ANKRD28: variants seen among roughly 807,000 people sequenced by gnomAD.
The protein encoded by ANKRD28 is ankyrin repeat domain 28.
Under a neutral mutation model 126.5 loss-of-function variants are expected in ANKRD28, and 44 were observed. That is an observed-to-expected ratio of 0.35 (90% confidence interval 0.27 to 0.45). The LOEUF (loss-of-function observed/expected upper bound fraction) is 0.45. ANKRD28 is among the 20% of genes least tolerant of loss of function. The probability of loss-of-function intolerance (pLI) is 1.00; values close to 1 mark genes in which losing one functional copy is unlikely to be tolerated. For missense variants in ANKRD28, 1,110 were observed against 1,316.6 expected (o/e 0.84, Z 2.43); for synonymous variants, 442 against 468.5 (o/e 0.94, Z 0.73).
intron 1 of ANKRD28, among the ~76,000 whole-genome samples, chr3:15,841,436 C>T (rs1181081471): frequency 6.6e-6 from 1 of 150,840 alleles, no homozygotes; most frequent in African/African-American, 2.4e-5. Flanking sequence ...AATATTTTCA[C>T]ATCAAGTTAA....
chr3:15,686,159 G>T, intron 19 of ANKRD28, 40 bp from the exon 20 acceptor site: 1 of 1,601,198 alleles, frequency 6.2e-7, no homozygotes, highest in Non-Finnish European at 8.5e-7. Context: ...TGTCACTTAA[G>T]ACTGTACTCT....
intron 1 of ANKRD28, 119 bp from the exon 2 acceptor site, chr3:15,795,425 T>C: frequency 1.6e-6 from 1 of 615,142 alleles, no homozygotes; most frequent in Admixed American, 3.3e-5. Context: ...ACTTTTGACA[T>C]TAGCCAGAAG....
chr3:15,761,835 G>A (rs182401888), intron 3 of ANKRD28, among the ~76,000 whole-genome samples: 42 of 152,192 alleles, frequency 2.8e-4, no homozygotes, highest in African/African-American at 9.9e-4. Context: ...TGAATGAACT[G>A]AAGAAATATC....
At chr3:15,786,757 C>T (rs9859622) in intron 2 of ANKRD28, among the ~76,000 whole-genome samples, 101,755 of 151,798 alleles carry the variant, frequency 0.67, 34,628 homozygotes, top group East Asian at 0.91. Context: ...TAACTATCAA[C>T]ATCTGTATAA....
At chr3:15,672,126 T>C (rs1267208777) in intron 27 of ANKRD28, among the ~76,000 whole-genome samples, 3 of 151,454 alleles carry the variant, frequency 2.0e-5, no homozygotes, top group East Asian at 1.9e-4. Context: ...CTATGCTATA[T>C]TGGCCTTGAT....
At position 15,838,426 on chromosome 3, in the gene ANKRD28, G is replaced by A. The variant is rs991243689; in HGVS notation, c.27+20951C>T. Reference sequence around the variant, plus strand: ...AACATTAAACATAAGCTTATTATACGACCCAGCGATTCTACTCAAGAATCT... The same window carrying A: ...AACATTAAACATAAGCTTATTATACAACCCAGCGATTCTACTCAAGAATCT... On this transcript the variant is annotated intron_variant, in intron 1 of 27. Coordinates refer to the ANKRD28 transcript ENST00000399451. This position sits in a 1 kb window ranked among gnomAD's most constrained non-coding sequence, Gnocchi z 4.0. Among the ~76,000 whole-genome samples, 2 of 151,834 alleles carry A rather than the reference G, an allele frequency of 1.3e-5. No homozygotes were observed. The highest frequency in any genetic ancestry group is 2.9e-5 in the Non-Finnish European group (2 of 67,980).
At chr3:15,799,112 C>A (rs182799909), upstream of ANKRD28, among the ~76,000 whole-genome samples, 270 of 152,120 alleles carry the variant, frequency 1.8e-3, 3 homozygotes, top group Admixed American at 0.017. Flanking sequence ...AGTACACACA[C>A]ATACAGACAC....
rs1428016289 is a variant in ANKRD28 at position 15,677,482 on chromosome 3, T to C, written c.2788A>G (p.Lys930Glu). 6.2e-7 allele frequency: 1 copy of C among 1,608,950 alleles called. No homozygotes were observed. Among genetic ancestry groups the C allele is most frequent in the Admixed American group, 1.7e-5 (1 of 59,982 alleles). ...ATATTCTTAAGATGTATACATACCT[T>C]GCTACAAGCCAAATGGAGGGCAGTA... is the stretch of plus-strand genomic sequence containing the variant. ...KNTALHLACS[K>E]GHETSALLIL... The change falls in exon 25 of 28, where the codon AAG becomes GAG. Residue 930 changes from lysine to glutamate, a missense_variant and splice_region_variant. By Grantham distance (56) the Lys-to-Glu change is moderately conservative. Transcript: ENST00000683139.
At chr3:15,768,665 G>A (rs1051283340) in intron 2 of ANKRD28, among the ~76,000 whole-genome samples, 3 of 151,456 alleles carry the variant, frequency 2.0e-5, no homozygotes, top group Non-Finnish European at 2.9e-5. Context: ...GGGGGCGGCG[G>A]TGGGGCAGGG....
chr3:15,844,930 G>A (rs1054102604), intron 1 of ANKRD28, among the ~76,000 whole-genome samples: 12 of 152,138 alleles, frequency 7.9e-5, no homozygotes, highest in African/African-American at 1.9e-4. Context: ...GAAGCATAGC[G>A]GTTTCTGCTT....
At chr3:15,841,628 G>A (rs537924495) in intron 1 of ANKRD28, among the ~76,000 whole-genome samples, 1 of 152,240 alleles carries the variant, frequency 6.6e-6, no homozygotes, top group African/African-American at 2.4e-5. Context: ...CAAAAGATCT[G>A]AATAGGCATT....
At chr3:15,711,351 A>G in intron 11 of ANKRD28, 77 bp from the exon 12 acceptor site, 1 of 1,260,632 alleles carries the variant, frequency 7.9e-7, no homozygotes, top group Non-Finnish European at 1.1e-6. Context: ...AACATCAAGA[A>G]TCACATCCTC....
chr3:15,699,406 C>A (rs1258888633), intron 14 of ANKRD28, among the ~76,000 whole-genome samples: 1 of 152,118 alleles, frequency 6.6e-6, no homozygotes, highest in Non-Finnish European at 1.5e-5. Flanking sequence ...TCTAATTAAA[C>A]TAAAGAGCTT....
chr3:15,743,900 T>C (rs958722739), intron 4 of ANKRD28, among the ~76,000 whole-genome samples: 3 of 152,220 alleles, frequency 2.0e-5, no homozygotes, highest in African/African-American at 4.8e-5. Context: ...TATGCATCTA[T>C]CACTGTGCTA....
chr3:15,790,149 T>A (rs1385987807), intron 2 of ANKRD28, among the ~76,000 whole-genome samples: 2 of 151,992 alleles, frequency 1.3e-5, no homozygotes, highest in Non-Finnish European at 2.9e-5. Flanking sequence ...ATCAAAGCTG[T>A]AATAAAAAGT....
intron 4 of ANKRD28, among the ~76,000 whole-genome samples, chr3:15,737,951 T>G (rs1028647360): frequency 6.7e-6 from 1 of 149,830 alleles, no homozygotes; most frequent in Non-Finnish European, 1.5e-5. Context: ...CAGTGCTGCT[T>G]AGAGAGAAAG....
chr3:15,806,662 C>T (rs148290730), intron 1 of ANKRD28, among the ~76,000 whole-genome samples: 72 of 152,236 alleles, frequency 4.7e-4, no homozygotes, highest in African/African-American at 1.6e-3. Context: ...GCTGGGATTA[C>T]AGGCGCATGC....
chr3:15,682,458 T>C (rs994778089), intron 21 of ANKRD28, among the ~76,000 whole-genome samples: 2 of 152,156 alleles, frequency 1.3e-5, no homozygotes, highest in African/African-American at 4.8e-5. Flanking sequence ...TTATGAAAGA[T>C]AGATAGGATG....
intron 1 of ANKRD28, among the ~76,000 whole-genome samples, chr3:15,828,818 C>T (rs960052607): frequency 6.6e-6 from 1 of 152,142 alleles, no homozygotes; most frequent in Non-Finnish European, 1.5e-5. Flanking sequence ...CAAACTTACC[C>T]TTTATAAATG....
Sources: gnomAD v4.1 joint callset for allele counts (sites outside exome capture counted in the v4.1 genomes callset) on GRCh38, gnomAD v4.1.1 for gene constraint, Gnocchi (gnomAD v3.1) non-coding constraint, MANE v1.5 for transcripts, NCBI Gene and HGNC (gene_info 2026-07-23, HGNC 2026-07-21) for gene names.